Variants in BMPR1A observed in about 807,000 individuals in gnomAD.
BMPR1A encodes bone morphogenetic protein receptor type-1A.
BMPR1A carries 7 observed loss-of-function variants against 66.0 expected under a neutral mutation model. The observed-to-expected ratio is 0.11, with a 90% CI of 0.06 to 0.20. The LOEUF (loss-of-function observed/expected upper bound fraction) is 0.20, where lower values mean the gene tolerates loss of function less well. Ranked by LOEUF, BMPR1A falls within the 10% of genes least tolerant of loss-of-function variation. The probability of loss-of-function intolerance (pLI) is 1.00; values close to 1 mark genes in which losing one functional copy is unlikely to be tolerated. For synonymous variants in BMPR1A, 200 were observed against 229.7 expected, an observed-to-expected ratio of 0.87 and a Z score of 1.17; for missense variants, 408 against 669.1, an observed-to-expected ratio of 0.61 and a Z score of 4.31.
chr10:86,870,230 C>T (rs1842838333), intron 2 of BMPR1A, among the ~76,000 whole-genome samples: 1 of 152,138 alleles, frequency 6.6e-6, no homozygotes, highest in South Asian at 2.1e-4. Flanking sequence ...CTTTAAGTTT[C>T]AGAACCAAAT....
intron 1 of BMPR1A, among the ~76,000 whole-genome samples, chr10:86,822,455 A>T (rs1842132765): frequency 1.3e-5 from 2 of 152,134 alleles, no homozygotes; most frequent in African/African-American, 2.4e-5. Flanking sequence ...TATCACAGTC[A>T]TGGGCAATTG....
At chr10:86,776,973 C>T (rs1399635537) in intron 1 of BMPR1A, among the ~76,000 whole-genome samples, 3 of 152,186 alleles carry the variant, frequency 2.0e-5, no homozygotes, top group Non-Finnish European at 4.4e-5. Flanking sequence ...CTGATCATCA[C>T]TTCCCACTTT....
rs1843495520 is a variant in BMPR1A, at chr10:86,911,957, G to C, written c.531-283G>C. Among the ~76,000 whole-genome samples, 3 of 152,142 alleles carry C rather than the reference G, an allele frequency of 2.0e-5. No homozygotes were observed. In the South Asian group the frequency reaches 6.2e-4, roughly 31 times the overall value. ...AAGGAAATGTATATTGTGATTATTT[G>C]AAGTCGTATTTTTTTATAGCTAGGA... On this transcript the variant is annotated intron_variant, in intron 7 of 12. Transcript: ENST00000372037.
At chr10:86,886,871 G>A (rs149813528) in intron 3 of BMPR1A, among the ~76,000 whole-genome samples, 16 of 125,014 alleles carry the variant, frequency 1.3e-4, no homozygotes, top group African/African-American at 3.1e-4. Flanking sequence ...CGCTCTTGTC[G>A]CCCAGGCTGA....
intron 2 of BMPR1A, among the ~76,000 whole-genome samples, chr10:86,851,395 A>G (rs1477030189): frequency 2.6e-5 from 4 of 152,192 alleles, no homozygotes; most frequent in Non-Finnish European, 4.4e-5. Flanking sequence ...TGGCAATTAC[A>G]TTGCTGCAAG....
rs372453663 is a variant in BMPR1A, at chr10:86,862,490, T to C, written c.-152-13377T>C. Among the ~76,000 whole-genome samples, 145 of 152,260 alleles carry C rather than the reference T, an allele frequency of 9.5e-4. 7 individuals carry two copies. In the South Asian group the frequency reaches 0.021, roughly 22 times the overall value. ...GGAGGGATCTGAATGGGGTGTGATG[T>C]GGTTTAACATGCTTTCTCTTAGGAT... is the stretch of plus-strand genomic sequence containing the variant. On this transcript the variant is annotated intron_variant, in intron 2 of 12. Coordinates refer to ENST00000372037, the MANE Select transcript of BMPR1A (RefSeq NM_004329.3).
rs2133546041 is a variant in BMPR1A, at chr10:86,912,366, G to T, written c.657G>T (p.Gly219=). 6.2e-7 allele frequency: 1 copy of T among 1,613,988 alleles called. No individual in the cohort carries two copies. Among genetic ancestry groups the T allele is most frequent in the Non-Finnish European group, 8.5e-7 (1 of 1,179,972 alleles). ...ACCAGTCACAAAGTTCTGGTAGTGGGTCTGGACTACCTTTATTGGTAAGTT... is the reference window on the plus strand; with the variant it reads ...ACCAGTCACAAAGTTCTGGTAGTGGTTCTGGACTACCTTTATTGGTAAGTT... ...LIDQSQSSGS[G]SGLPLLVQRT... The change falls in exon 8 of 13, where the codon GGG becomes GGT. Residue 219 remains glycine (G), a synonymous_variant. Transcript: ENST00000372037.
chr10:86,918,716 A>G (rs1489922562), intron 9 of BMPR1A, among the ~76,000 whole-genome samples: 1 of 149,430 alleles, frequency 6.7e-6, no homozygotes, highest in Non-Finnish European at 1.5e-5. Flanking sequence ...CTCTGCCGCC[A>G]GGTTCAAGTG....
rs11348647 is a variant in BMPR1A at position 86,773,188 on chromosome 10, GTT to G, written c.-268+16279_-268+16280del. Among the ~76,000 whole-genome samples, 1,051 of 134,960 alleles carry G rather than the reference GTT, an allele frequency of 7.8e-3. 11 individuals carry two copies. Among genetic ancestry groups the G allele is most frequent in the African/African-American group, 0.026 (994 of 38,456 alleles). The allele number at this position is 134,960 out of a possible 152,430, so 88.5% of individuals were successfully genotyped here. On this transcript the variant is annotated intron_variant, in intron 1 of 12. Coordinates refer to ENST00000372037, the MANE Select transcript of BMPR1A (RefSeq NM_004329.3). ...CCTTCTCAGCTTTTGCCACTTTTAAGTTTTTTTTTTTAATCAAGATGTTTCAC... is the reference window on the plus strand; with the variant it reads ...CCTTCTCAGCTTTTGCCACTTTTAAGTTTTTTTTTAATCAAGATGTTTCAC...
At chr10:86,798,308 A>T (rs1841754822) in intron 1 of BMPR1A, among the ~76,000 whole-genome samples, 1 of 152,190 alleles carries the variant, frequency 6.6e-6, no homozygotes, top group Non-Finnish European at 1.5e-5. Flanking sequence ...AAAAACTAAT[A>T]CTAAGTTTTT....
At chr10:86,845,066 C>T (rs1000627562) in intron 2 of BMPR1A, among the ~76,000 whole-genome samples, 6 of 152,234 alleles carry the variant, frequency 3.9e-5, no homozygotes, top group African/African-American at 1.4e-4. Context: ...GTGCAGCATA[C>T]TCTGTTTACA....
Position 86,926,466 on chromosome 10 carries a change from G to C in BMPR1A, c.*2747G>C, listed in dbSNP as rs1419278079. On this transcript the variant is annotated 3_prime_UTR_variant, in exon 13 of 13. Transcript: ENST00000372037. ...AATCAGAAGGTGGAGGTTGCAGTGA[G>C]CTGAGATCGTGTCACTGCACTCCAG... is the stretch of plus-strand genomic sequence containing the variant. 6.2e-6 allele frequency: 1 copy of C among 160,142 alleles called. No individual in the cohort carries two copies. Among genetic ancestry groups the C allele is most frequent in the African/African-American group, 2.4e-5 (1 of 41,724 alleles). 9.9% of individuals were successfully genotyped at this position (160,142 alleles called of 1,614,324 possible).
chr10:86,759,748 A>G (rs1841002331), intron 1 of BMPR1A, among the ~76,000 whole-genome samples: 1 of 152,122 alleles, frequency 6.6e-6, no homozygotes, highest in South Asian at 2.1e-4. Context: ...GACTGGGATT[A>G]TCTGTTCCTT....
At chr10:86,758,762 C>T (rs1011505752) in intron 1 of BMPR1A, among the ~76,000 whole-genome samples, 2 of 152,176 alleles carry the variant, frequency 1.3e-5, no homozygotes, top group Admixed American at 6.5e-5. Flanking sequence ...ATTTCTTAAC[C>T]CCTTGTTATC....
intron 3 of BMPR1A, among the ~76,000 whole-genome samples, chr10:86,878,448 G>A (rs1842947031): frequency 1.3e-5 from 2 of 152,218 alleles, no homozygotes; most frequent in Admixed American, 1.3e-4. Flanking sequence ...GGATAGATAT[G>A]TAGTCCCTTT....
intron 1 of BMPR1A, among the ~76,000 whole-genome samples, chr10:86,784,318 G>T (rs746732138): frequency 7.9e-5 from 12 of 152,088 alleles, no homozygotes; most frequent in Non-Finnish European, 1.5e-4. Context: ...GAAAGGTGTT[G>T]AATTTTGTCA....
At chr10:86,787,702 T>C (rs1161909058) in intron 1 of BMPR1A, among the ~76,000 whole-genome samples, 1 of 152,140 alleles carries the variant, frequency 6.6e-6, no homozygotes, top group Non-Finnish European at 1.5e-5. Context: ...CTCACAGTAA[T>C]GCAGGCTATA....
chr10:86,809,595 C>CTTT lies in BMPR1A; in HGVS notation c.-267-29255_-267-29253dup, dbSNP rs71019431. On this transcript the variant is annotated intron_variant, in intron 1 of 12. Transcript: ENST00000372037. Reference sequence around the variant, plus strand: ...AGGAGTAAGGCACCACACCCGACCTCTTTTTTTTTTTTTTTTTCTCTTTTT... The same window carrying CTTT: ...AGGAGTAAGGCACCACACCCGACCTCTTTTTTTTTTTTTTTTTTTTCTCTTTTT... 7.5e-3 allele frequency among the ~76,000 whole-genome samples: 923 copies of CTTT among 123,698 alleles called. 15 individuals carry two copies. Among genetic ancestry groups the CTTT allele is most frequent in the African/African-American group, 0.026 (835 of 31,562 alleles). The allele number at this position is 123,698 out of a possible 152,430, so 81.2% of individuals were successfully genotyped here.
chr10:86,789,361 A>G (rs1841566330), intron 1 of BMPR1A, among the ~76,000 whole-genome samples: 1 of 152,176 alleles, frequency 6.6e-6, no homozygotes, highest in Admixed American at 6.6e-5. Flanking sequence ...AAGCCATAGA[A>G]TGGGAGAAAA....
Sources: gnomAD v4.1 joint callset for allele counts (sites outside exome capture counted in the v4.1 genomes callset) on GRCh38, gnomAD v4.1.1 for gene constraint, MANE v1.5 for transcripts, NCBI Gene and HGNC (gene_info 2026-07-23, HGNC 2026-07-21) for gene names.